Variants in HCN2 observed in about 807,000 individuals in gnomAD.
The protein encoded by HCN2 is potassium/sodium hyperpolarization-activated cyclic nucleotide-gated channel 2.
Under a neutral mutation model 52.3 loss-of-function variants are expected in HCN2, and 20 were observed. That is an observed-to-expected ratio of 0.38 (90% CI 0.27 to 0.56). HCN2 has a LOEUF of 0.56. HCN2 is among the 20% of genes least tolerant of loss of function. The probability of loss-of-function intolerance (pLI) is 0.71; values close to 1 mark genes in which losing one functional copy is unlikely to be tolerated. For missense variants in HCN2, 981 were observed against 1,207.7 expected (o/e 0.81, Z 2.78); for synonymous variants, 694 against 537.0 (o/e 1.29, Z -4.04).
At chr19:610,470 G>A (rs1320142597) in intron 5 of HCN2, 65 bp downstream of exon 5, 16 of 1,462,126 alleles carry the variant, frequency 1.1e-5, no homozygotes, top group Middle Eastern at 2.3e-4. Context: ...CTCTCCTGGA[G>A]CCCAGGAGCC....
rs879827167 is a variant in HCN2, at chr19:607,948, C to A, written c.1219-16C>A. On this transcript the variant is annotated splice_polypyrimidine_tract_variant and intron_variant, in intron 3 of 7. Coordinates refer to ENST00000251287, the MANE Select transcript of HCN2 (RefSeq NM_001194.4). ...TGAGCACCTGCCCACCACCGCCCCT[C>A]CTGCTGGCCTTGCAGAACCACTCGT... The A allele has an allele frequency of 8.1e-6, 13 of 1,599,916 alleles. No individual in the cohort carries two copies. Among genetic ancestry groups the A allele is most frequent in the African/African-American group, 1.3e-5 (1 of 74,654 alleles).
In HCN2 at chr19:591,802, G is replaced by C. The variant is rs1469253469; in HGVS notation, c.632+1225G>C. On this transcript the variant is annotated intron_variant, in intron 1 of 7. Coordinates refer to ENST00000251287, the MANE Select transcript of HCN2 (RefSeq NM_001194.4). The surrounding 1 kb of genome is among the most constrained non-coding windows in gnomAD (Gnocchi z 4.1). ...CCCCGGAACTGGGCAGGGAGGCTGT[G>C]GGGTTCTCTCTTCCCCTGGATTCTC... Among the ~76,000 whole-genome samples, 4 of 152,176 alleles carry C rather than the reference G, an allele frequency of 2.6e-5. No homozygotes were observed. Among genetic ancestry groups the C allele is most frequent in the Non-Finnish European group, 4.4e-5 (3 of 68,014 alleles).
At chr19:597,248 C>T (rs565141386) in intron 1 of HCN2, among the ~76,000 whole-genome samples, 1 of 152,332 alleles carries the variant, frequency 6.6e-6, no homozygotes, top group South Asian at 2.1e-4. Context: ...GAGCAGAAGG[C>T]TCAAGGGAGG....
chr19:607,937 C>G, intron 3 of HCN2, 27 bp from the exon 4 acceptor site: 1 of 1,583,952 alleles, frequency 6.3e-7, no homozygotes, highest in Non-Finnish European at 8.6e-7. Context: ...CACCTGCCCA[C>G]CACCGCCCCT....
intron 1 of HCN2, 104 bp from the exon 2 acceptor site, chr19:603,440 C>T (rs1355052457): frequency 1.8e-5 from 15 of 835,332 alleles, no homozygotes; most frequent in Admixed American, 5.6e-5. Context: ...GGCACTGGCT[C>T]GAGGTGTGGG....
rs1466468614 is a variant in HCN2 at position 590,312 on chromosome 19, G to T, written c.367G>T (p.Val123Leu). ...CGAGGGCCCGGCGCGGGGGCCCAAGGTGTCGTTCTCGTGCCGCGGGGCGGC... is the reference window on the plus strand; with the variant it reads ...CGAGGGCCCGGCGCGGGGGCCCAAGTTGTCGTTCTCGTGCCGCGGGGCGGC... ...GPEGPARGPK[V>L]SFSCRGAASG... The change falls in exon 1 of 8, where the codon GTG becomes TTG. Residue 123 changes from valine (V) to leucine (L), a missense_variant. Transcript: ENST00000251287. The surrounding 1 kb of genome is among the most constrained non-coding windows in gnomAD (Gnocchi z 7.2). 2 of 1,013,560 alleles carry T rather than the reference G, an allele frequency of 2.0e-6. No individual in the cohort carries two copies. The highest frequency in any genetic ancestry group is 3.5e-5 in the African/African-American group (2 of 57,074). 62.8% of individuals were successfully genotyped at this position (1,013,560 alleles called of 1,614,324 possible). A position where few individuals can be genotyped will look rare whatever the true frequency, so the allele number is the denominator to read the frequency against.
At chr19:604,053 T>C (rs1338322246) in intron 2 of HCN2, 86 bp downstream of exon 2, 4 of 1,006,302 alleles carry the variant, frequency 4.0e-6, no homozygotes, top group African/African-American at 3.4e-5. Context: ...GGGGCGGGGC[T>C]ATAATGGTGC....
Position 617,095 on chromosome 19 carries a change from G to GCCCCCCCCCCCCCCCTAAC in HCN2, c.*627_*628insCCCCCCCCCTAACCCCCCC. Reference sequence around the variant, plus strand: ...CCGAGGCAGCAGTGCCCCCACCGTGGCCCCCCACGCCCCATTAACCCCCAC... The same window carrying GCCCCCCCCCCCCCCCTAAC: ...CCGAGGCAGCAGTGCCCCCACCGTGGCCCCCCCCCCCCCCCTAACCCCCCCACGCCCCATTAACCCCCAC... On this transcript the variant is annotated 3_prime_UTR_variant, in exon 8 of 8. Transcript: ENST00000251287. 1.9e-6 allele frequency: 1 copy of GCCCCCCCCCCCCCCCTAAC among 513,168 alleles called. No homozygotes were observed. Among genetic ancestry groups the GCCCCCCCCCCCCCCCTAAC allele is most frequent in the Non-Finnish European group, 3.5e-6 (1 of 282,114 alleles). 31.8% of individuals were successfully genotyped at this position (513,168 alleles called of 1,614,324 possible).
Position 603,671 on chromosome 19 carries a change from T to G in HCN2, c.760T>G (p.Phe254Val), listed in dbSNP as rs764890878. ...CGTGTTCAACGTGGTCTCGGACACC[T>G]TCTTCCTCATGGACCTGGTGTTGAA... is the stretch of plus-strand genomic sequence containing the variant. ...WIVFNVVSDT[F>V]FLMDLVLNFR... Residue 254 changes from phenylalanine (F) to valine (V), a missense_variant, in exon 2 of 8, where the codon TTC becomes GTC. Transcript: ENST00000251287. The G allele has an allele frequency of 3.1e-6, 5 of 1,612,720 alleles. No individual in the cohort carries two copies. In the Admixed American group the frequency reaches 8.3e-5, roughly 27 times the overall value.
chr19:608,294 C>G lies in HCN2; in HGVS notation c.1437+112C>G, dbSNP rs1374796822. On this transcript the variant is annotated intron_variant, in intron 4 of 7. Coordinates refer to ENST00000251287, the MANE Select transcript of HCN2 (RefSeq NM_001194.4). Reference sequence around the variant, plus strand: ...GGGGTCTGATGGAGGGAGGCAGGCCCGGTCCTGGGGTCTGAGGCTGGAGGG... The same window carrying G: ...GGGGTCTGATGGAGGGAGGCAGGCCGGGTCCTGGGGTCTGAGGCTGGAGGG... 1.1e-5 allele frequency: 11 copies of G among 961,732 alleles called. No individual in the cohort carries two copies. In the South Asian group the frequency reaches 1.3e-4, roughly 12 times the overall value. 59.6% of individuals were successfully genotyped at this position (961,732 alleles called of 1,614,324 possible).
chr19:613,761 G>A, intron 6 of HCN2, 91 bp from the exon 7 acceptor site: 1 of 1,329,398 alleles, frequency 7.5e-7, no homozygotes, highest in Non-Finnish European at 9.7e-7. Flanking sequence ...GCCCACGCTG[G>A]CCAAGGTGCA....
chr19:610,477 AGCCG>A, intron 5 of HCN2, 72 bp downstream of exon 5: 3 of 1,430,242 alleles, frequency 2.1e-6, no homozygotes, highest in Non-Finnish European at 2.9e-6. Flanking sequence ...GGAGCCCAGG[AGCCG>A]GTCCCTGAGG....
intron 4 of HCN2, 111 bp from the exon 5 acceptor site, chr19:610,148 G>C: frequency 1.5e-6 from 2 of 1,334,336 alleles, no homozygotes; most frequent in Non-Finnish European, 2.1e-6. Flanking sequence ...CCCGCTGCAG[G>C]CTGGGGGCGG....
At chr19:613,511 TGGAGGGGGAGGGGGCACGC>T in intron 6 of HCN2, 23 bp downstream of exon 6, 3 of 278,826 alleles carry the variant, frequency 1.1e-5, no homozygotes, top group Middle Eastern at 5.8e-4. Flanking sequence ...GGGGCGCGCC[TGGAGGGGGAGGGGGCACGC>T]GACCCCCGCG....
intron 5 of HCN2, among the ~76,000 whole-genome samples, chr19:611,340 T>C (rs1241358271): frequency 6.6e-6 from 1 of 152,108 alleles, no homozygotes; most frequent in Non-Finnish European, 1.5e-5. Flanking sequence ...AGAGAGCAGC[T>C]CTGGGAAGCG....
intron 7 of HCN2, among the ~76,000 whole-genome samples, chr19:614,773 G>A (rs1219445833): frequency 2.0e-5 from 3 of 152,148 alleles, no homozygotes; most frequent in Admixed American, 1.3e-4. Context: ...CCGCCAAGGC[G>A]GGCCGTGTCC....
In HCN2 at chr19:597,834, C is replaced by G. The variant is rs534146714; in HGVS notation, c.633-5710C>G. ...GTCTCCTTGGCAGTTTCTAGGTCCT[C>G]CTGGTGGTTTCTAGGTCTCCTTGGC... On this transcript the variant is annotated intron_variant, in intron 1 of 7. Transcript: ENST00000251287. Among the ~76,000 whole-genome samples, 182 of 152,166 alleles carry G rather than the reference C, an allele frequency of 1.2e-3. 1 individual carries two copies. The highest frequency in any genetic ancestry group is 4.1e-3 in the African/African-American group (170 of 41,538).
chr19:606,390 C>T (rs1341362741), intron 3 of HCN2, among the ~76,000 whole-genome samples: 2 of 151,966 alleles, frequency 1.3e-5, no homozygotes, highest in African/African-American at 2.4e-5. Flanking sequence ...CGTGAGCCAC[C>T]GCGCCCGGCC....
chr19:605,720 G>C (rs1413874344), intron 3 of HCN2, among the ~76,000 whole-genome samples: 1 of 107,002 alleles, frequency 9.3e-6, no homozygotes, highest in East Asian at 2.9e-4. Flanking sequence ...CCCCCTTATG[G>C]AGGGGAGGAC....
Sources: gnomAD v4.1 joint callset for allele counts (sites outside exome capture counted in the v4.1 genomes callset) on GRCh38, gnomAD v4.1.1 for gene constraint, Gnocchi (gnomAD v3.1) non-coding constraint, MANE v1.5 for transcripts, NCBI Gene and HGNC (gene_info 2026-07-23, HGNC 2026-07-21) for gene names.